Variants in HEPH observed in about 807,000 individuals in gnomAD.
HEPH encodes hephaestin.
In HEPH, 69 loss-of-function variants were observed where a neutral mutation model predicts 80.8. That is an observed-to-expected ratio of 0.85 (90% CI 0.70 to 1.04). The LOEUF (loss-of-function observed/expected upper bound fraction) is 1.04, where lower values mean the gene tolerates loss of function less well. Among genes scored for constraint, HEPH ranks in the 50% least tolerant of loss-of-function variants. The pLI, the probability that HEPH is intolerant of heterozygous loss-of-function variation, is 0.00. For synonymous variants in HEPH, 431 were observed against 322.8 expected (o/e 1.34, Z -3.60); for missense variants, 1,115 against 891.3 (o/e 1.25, Z -3.20).
chrX:66,230,486 T>C (rs1314931578), intron 15 of HEPH, among the ~76,000 whole-genome samples: 7 of 108,706 alleles, frequency 6.4e-5, no homozygotes, highest in Admixed American at 2.9e-4. Flanking sequence ...TGTGAGATGG[T>C]ATCTCATAGT....
intron 15 of HEPH, among the ~76,000 whole-genome samples, chrX:66,233,902 A>G (rs2090255077): frequency 9.0e-6 from 1 of 111,052 alleles, no homozygotes; most frequent in Non-Finnish European, 1.9e-5. Flanking sequence ...TATTTAGTTT[A>G]TTTAATTTTT....
intron 6 of HEPH, among the ~76,000 whole-genome samples, chrX:66,190,142 ATC>A (rs2087713427): frequency 9.3e-6 from 1 of 107,755 alleles, no homozygotes; most frequent in Non-Finnish European, 1.9e-5. Flanking sequence ...CTTTGGGCAC[ATC>A]TCTCTGTGTT....
At chrX:66,234,578 G>GT (rs2090284874) in intron 15 of HEPH, among the ~76,000 whole-genome samples, 1 of 107,295 alleles carries the variant, frequency 9.3e-6, no homozygotes, top group African/African-American at 3.5e-5. Flanking sequence ...GCCACCATCT[G>GT]GTTTTTTTTT....
intron 1 of HEPH, among the ~76,000 whole-genome samples, chrX:66,168,507 G>A (rs1473256235): frequency 9.0e-6 from 1 of 111,399 alleles, no homozygotes; most frequent in Non-Finnish European, 1.9e-5. Flanking sequence ...GCCAGGTTTT[G>A]GAAAAAAGGA....
intron 1 of HEPH, among the ~76,000 whole-genome samples, chrX:66,167,181 G>C (rs1156563225): frequency 8.9e-6 from 1 of 112,176 alleles, no homozygotes; most frequent in Non-Finnish European, 1.9e-5. Context: ...TGATACCAAA[G>C]CCTGTGCCCT....
At chrX:66,229,897 G>A (rs752680559) in intron 15 of HEPH, among the ~76,000 whole-genome samples, 1 of 106,125 alleles carries the variant, frequency 9.4e-6, no homozygotes, top group Non-Finnish European at 1.9e-5. Flanking sequence ...CTTGCATTAG[G>A]TATATCTCCC....
In HEPH at chrX:66,225,681, C is replaced by A. The variant is rs189725632; in HGVS notation, c.2563+17435C>A. Among the ~76,000 whole-genome samples, 37 of 112,678 alleles carry A rather than the reference C, an allele frequency of 3.3e-4. No individual in the cohort carries two copies. In the Admixed American group the frequency reaches 3.5e-3, roughly 11 times the overall value. On this transcript the variant is annotated intron_variant, in intron 15 of 20. Coordinates refer to ENST00000343002, the MANE Select transcript of HEPH (RefSeq NM_001367233.3). Reference sequence around the variant, plus strand: ...TGCGCTGCTCTGGCAAGGCATTCCACTGGGGCAATTGCCTACTTGGGAGCA... The same window carrying A: ...TGCGCTGCTCTGGCAAGGCATTCCAATGGGGCAATTGCCTACTTGGGAGCA...
chrX:66,170,936 G>T (rs775805565), intron 2 of HEPH, among the ~76,000 whole-genome samples, 199 bp downstream of exon 2: 21 of 111,514 alleles, frequency 1.9e-4, no homozygotes, highest in Non-Finnish European at 3.8e-4. Context: ...GGAGTTTGCC[G>T]TAACATTTTT....
In HEPH at chrX:66,208,178, G is replaced by A. The variant is rs150933158; in HGVS notation, c.2495G>A (p.Arg832His). 3.8e-5 allele frequency: 46 copies of A among 1,203,414 alleles called. No homozygotes were observed. The highest frequency in any genetic ancestry group is 1.8e-4 in the Admixed American group (8 of 45,538). ...LTVVFKNNAS[R>H]PYSVHAHGVL... Reference sequence around the variant, plus strand: ...GTGGTATTCAAGAATAATGCCAGCCGCCCCTACTCTGTGCATGCTCATGGA... The same window carrying A: ...GTGGTATTCAAGAATAATGCCAGCCACCCCTACTCTGTGCATGCTCATGGA... The change falls in exon 15 of 21, where the codon CGC becomes CAC. Residue 832 changes from arginine to histidine, a missense_variant. By Grantham distance (29) the Arg-to-His change is conservative. This residue lies in a region of HEPH where 716 missense variants were observed against 523.5 expected (regional missense o/e 1.37). Transcript: ENST00000343002.
rs1017161739 is a variant in HEPH, at chrX:66,172,619, C to A, written c.412+20C>A. The A allele has an allele frequency of 1.8e-6, 2 of 1,118,507 alleles. No individual in the cohort carries two copies. Among genetic ancestry groups the A allele is most frequent in the Non-Finnish European group, 2.4e-6 (2 of 845,614 alleles). 92.2% of individuals were successfully genotyped at this position (1,118,507 alleles called of 1,213,427 possible). A position where few individuals can be genotyped will look rare whatever the true frequency, so the allele number is the denominator to read the frequency against. On this transcript the variant is annotated intron_variant, in intron 3 of 20. Transcript: ENST00000343002. Reference sequence around the variant, plus strand: ...CTGAAGGTAAACCATTCCACCGTTTCTTTCCCCCATGCCCAACAAATATCA... The same window carrying A: ...CTGAAGGTAAACCATTCCACCGTTTATTTCCCCCATGCCCAACAAATATCA...
chrX:66,214,753 AT>A, intron 15 of HEPH, among the ~76,000 whole-genome samples: 1 of 111,175 alleles, frequency 9.0e-6, no homozygotes, highest in East Asian at 2.8e-4. Context: ...CTTCTAAACC[AT>A]TCAACTTTCC....
At chrX:66,227,406 T>A (rs944028773) in intron 15 of HEPH, among the ~76,000 whole-genome samples, 2 of 111,080 alleles carry the variant, frequency 1.8e-5, no homozygotes, top group Non-Finnish European at 3.8e-5. Flanking sequence ...TTTCACCACT[T>A]CTATTCAACA....
At chrX:66,208,666 A>G (rs1034044503) in intron 15 of HEPH, among the ~76,000 whole-genome samples, 1 of 81,978 alleles carries the variant, frequency 1.2e-5, no homozygotes, top group Non-Finnish European at 2.2e-5. Flanking sequence ...ATATATATAT[A>G]TATATATATA....
Position 66,267,078 on chromosome X carries a change from G to A in HEPH, c.*406G>A, listed in dbSNP as rs1388708822. On this transcript the variant is annotated 3_prime_UTR_variant, in exon 21 of 21. Transcript: ENST00000343002. ...TCAGGAAATTTCACTTTGAACTGAG[G>A]CCAAGTGAGCTGTTAAGATAACCCA... is the stretch of plus-strand genomic sequence containing the variant. 1.5e-5 allele frequency: 2 copies of A among 133,291 alleles called. No individual in the cohort carries two copies. Among genetic ancestry groups the A allele is most frequent in the Non-Finnish European group, 3.0e-5 (2 of 66,579 alleles). 11.0% of individuals were successfully genotyped at this position (133,291 alleles called of 1,213,427 possible).
intron 7 of HEPH, 120 bp downstream of exon 7, chrX:66,192,418 G>A: frequency 1.2e-6 from 1 of 811,153 alleles, no homozygotes; most frequent in Non-Finnish European, 1.7e-6. Context: ...TCTGGCTGGG[G>A]TTACATGAAC....
At chrX:66,242,967 A>G (rs185413125) in intron 15 of HEPH, among the ~76,000 whole-genome samples, 23 of 112,024 alleles carry the variant, frequency 2.1e-4, no homozygotes, top group Admixed American at 2.0e-3. Context: ...TTTCTCCAGG[A>G]ACTTAAAACG....
chrX:66,195,180 C>T lies in HEPH; in HGVS notation c.1452C>T (p.Pro484=). 5 of 1,202,630 alleles carry T rather than the reference C, an allele frequency of 4.2e-6. No individual in the cohort carries two copies. Among genetic ancestry groups the T allele is most frequent in the Non-Finnish European group, 4.5e-6 (4 of 891,236 alleles). Residue 484 remains proline, a synonymous_variant, in exon 9 of 21, where the codon CCC becomes CCT. Coordinates refer to ENST00000343002, the MANE Select transcript of HEPH (RefSeq NM_001367233.3). ...CCTCCCAGCCATTCAGCATGCAGCC[C>T]CATGGGGTCTTTTATGAGAAAGACT... is the stretch of plus-strand genomic sequence containing the variant. ...NRASQPFSMQ[P]HGVFYEKDYE...
intron 15 of HEPH, among the ~76,000 whole-genome samples, chrX:66,243,917 C>A (rs1234475809): frequency 1.8e-5 from 2 of 111,795 alleles, no homozygotes; most frequent in Non-Finnish European, 3.8e-5. Flanking sequence ...GATCTTATTT[C>A]TCCTTCTTGT....
chrX:66,268,147 A>G (rs2091581162), downstream of HEPH: 1 of 111,937 alleles, frequency 8.9e-6, no homozygotes, highest in African/African-American at 3.2e-5. Flanking sequence ...GGATTCATGT[A>G]TTCATCTGTT....
Sources: allele counts gnomAD v4.1 joint callset (sites outside exome capture counted in the v4.1 genomes callset), GRCh38; gene constraint gnomAD v4.1.1; regional missense constraint gnomAD v4.1.1; transcripts MANE v1.5; gene names NCBI Gene and HGNC (gene_info 2026-07-23, HGNC 2026-07-21).